Variants in CERS5 observed in about 807,000 individuals in gnomAD.
CERS5 encodes the protein ceramide synthase 5, also known as LAG1 homolog, ceramide synthase 5.
Under a neutral mutation model 58.9 loss-of-function variants are expected in CERS5, and 37 were observed. That is an observed-to-expected ratio of 0.63 (90% CI 0.48 to 0.83). The LOEUF is 0.83. Among genes scored for constraint, CERS5 ranks in the 40% least tolerant of loss-of-function variants. CERS5 has a pLI of 0.00. For synonymous variants in CERS5, 147 were observed against 177.8 expected (o/e 0.83, Z 1.38); for missense variants, 398 against 489.3 (o/e 0.81, Z 1.76).
intron 1 of CERS5, among the ~76,000 whole-genome samples, chr12:50,157,538 G>A (rs569417060): frequency 1.3e-5 from 2 of 151,970 alleles, no homozygotes; most frequent in South Asian, 2.1e-4. Flanking sequence ...CATAAACAGA[G>A]CCCAATCTGA....
chr12:50,157,618 G>A (rs1330861454), intron 1 of CERS5, among the ~76,000 whole-genome samples: 2 of 151,920 alleles, frequency 1.3e-5, no homozygotes, highest in Non-Finnish European at 2.9e-5. Flanking sequence ...TTCCAGCTGT[G>A]ACCTGACAAA....
At chr12:50,153,269 ATTTTTTTT>A (rs202197775) in intron 1 of CERS5, among the ~76,000 whole-genome samples, 14 of 93,440 alleles carry the variant, frequency 1.5e-4, no homozygotes, top group Non-Finnish European at 2.5e-4. Flanking sequence ...AACTAATATG[ATTTTTTTT>A]TTTTTTTTTT....
intron 8 of CERS5, 31 bp from the exon 9 acceptor site, chr12:50,134,733 A>C (rs760762148): frequency 6.3e-7 from 1 of 1,597,174 alleles, no homozygotes; most frequent in South Asian, 1.1e-5. Context: ...GTCAGATTCT[A>C]GAGTCAAAGC....
chr12:50,144,782 G>A (rs1181345909), intron 1 of CERS5: 6 of 1,525,480 alleles, frequency 3.9e-6, no homozygotes, highest in South Asian at 3.6e-5. Flanking sequence ...TTGGGTCTTG[G>A]TTTCATCATC....
At chr12:50,164,694 C>A (rs1295303678) in intron 1 of CERS5, among the ~76,000 whole-genome samples, 1 of 152,146 alleles carries the variant, frequency 6.6e-6, no homozygotes, top group East Asian at 1.9e-4. Flanking sequence ...GACACTGGAG[C>A]ACCATAGAAA....
At chr12:50,133,862 G>A (rs1055708872) in intron 9 of CERS5, 19 of 579,460 alleles carry the variant, frequency 3.3e-5, no homozygotes, top group African/African-American at 2.8e-4. Context: ...TCACAAGGTC[G>A]GGAGTTAGAG....
At chr12:50,155,148 G>A (rs962920256) in intron 1 of CERS5, among the ~76,000 whole-genome samples, 4 of 152,022 alleles carry the variant, frequency 2.6e-5, no homozygotes, top group African/African-American at 7.2e-5. Context: ...GTGAGCCATC[G>A]TGCCCGGTCA....
intron 1 of CERS5, among the ~76,000 whole-genome samples, chr12:50,149,415 C>T (rs561781810): frequency 6.6e-6 from 1 of 152,310 alleles, no homozygotes; most frequent in Non-Finnish European, 1.5e-5. Context: ...TCTCCAGATA[C>T]ATAGCAGCAG....
At chr12:50,135,917 G>C in intron 7 of CERS5, 24 bp downstream of exon 7, 2 of 1,563,690 alleles carry the variant, frequency 1.3e-6, no homozygotes, top group Non-Finnish European at 1.7e-6. Context: ...GAAGAAGATG[G>C]AGAAAGAGAG....
At chr12:50,145,999 AC>A (rs1952249842) in intron 1 of CERS5, among the ~76,000 whole-genome samples, 1 of 152,070 alleles carries the variant, frequency 6.6e-6, no homozygotes, top group African/African-American at 2.4e-5. Context: ...TCATCTAAAA[AC>A]CCTGTCTCCT....
chr12:50,166,323 CAAAAAAAAAAAAAAAAAAAAGA>C (rs1939887942), intron 1 of CERS5: 1 of 126,820 alleles, frequency 7.9e-6, no homozygotes, highest in Non-Finnish European at 1.7e-5. Flanking sequence ...AACTCTGTCT[CAAAAAAAAAAAAAAAAAAAAGA>C]AAAGAAAAAA....
chr12:50,129,749 A>C lies in CERS5; in HGVS notation c.*796T>G, dbSNP rs1284244378. On this transcript the variant is annotated 3_prime_UTR_variant, in exon 10 of 10. Coordinates refer to ENST00000317551, the MANE Select transcript of CERS5 (RefSeq NM_147190.5). ...GGAAAAGCTCTTAATTAGCTTATGG[A>C]TTCAGGAAACTGCGGATAGAGTCAC... 6.6e-6 allele frequency: 1 copy of C among 152,204 alleles called. No individual in the cohort carries two copies. The highest frequency in any genetic ancestry group is 6.5e-5 in the Admixed American group (1 of 15,278). 9.4% of individuals were successfully genotyped at this position (152,204 alleles called of 1,614,324 possible). A position where few individuals can be genotyped will look rare whatever the true frequency, so the allele number is the denominator to read the frequency against.
At chr12:50,155,840 G>A (rs1167238848) in intron 1 of CERS5, among the ~76,000 whole-genome samples, 8 of 148,186 alleles carry the variant, frequency 5.4e-5, no homozygotes, top group Admixed American at 2.0e-4. Context: ...GGTGGCTCAC[G>A]CCTGTAATCC....
chr12:50,154,169 A>G, intron 1 of CERS5: 1 of 291,918 alleles, frequency 3.4e-6, no homozygotes, highest in South Asian at 2.6e-5. Flanking sequence ...CCTGGCCAAC[A>G]TGGTGAAACC....
At chr12:50,132,861 T>G in intron 9 of CERS5, 1 of 1,244,126 alleles carries the variant, frequency 8.0e-7, no homozygotes, top group Non-Finnish European at 1.0e-6. Context: ...GAGGGCATGC[T>G]CTGAGACAAA....
chr12:50,137,665 C>A (rs879574690), intron 6 of CERS5, 63 bp downstream of exon 6: 20 of 898,978 alleles, frequency 2.2e-5, no homozygotes, highest in Non-Finnish European at 2.9e-5. Flanking sequence ...TAATGGCAGT[C>A]ATGGAAGCTG....
At chr12:50,132,957 C>CT in intron 9 of CERS5, 2 of 1,288,974 alleles carry the variant, frequency 1.6e-6, no homozygotes, top group Non-Finnish European at 2.0e-6. Flanking sequence ...CACAGATACA[C>CT]TTACATGCAA....
chr12:50,156,643 AGATAT>A (rs1938691596), intron 1 of CERS5, among the ~76,000 whole-genome samples: 1 of 152,056 alleles, frequency 6.6e-6, no homozygotes, highest in Non-Finnish European at 1.5e-5. Flanking sequence ...AAATATTGAT[AGATAT>A]AACTCATATA....
rs1262502794 is a variant in CERS5, at chr12:50,135,744, A to G, written c.860T>C (p.Ile287Thr). ...CCCTACCACTTACCAGAATGGATAG[A>G]TTCCTAGTCGTGTAACCATAAAAAC... is the stretch of plus-strand genomic sequence containing the variant. ...SAVFMVTRLG[I>T]YPFWILNTTL... The change falls in exon 8 of 10, where the codon ATC (isoleucine) becomes ACC (threonine). Residue 287 changes from isoleucine to threonine, a missense_variant. Ile to Thr is a moderately conservative substitution (Grantham distance 89). Transcript: ENST00000317551. 1 of 1,611,056 alleles carries G rather than the reference A, an allele frequency of 6.2e-7. No homozygotes were observed.
Sources: allele counts gnomAD v4.1 joint callset (sites outside exome capture counted in the v4.1 genomes callset), GRCh38; gene constraint gnomAD v4.1.1; transcripts MANE v1.5; gene names NCBI Gene and HGNC (gene_info 2026-07-23, HGNC 2026-07-21).